The following NXPE2 variants were observed in gnomAD, a reference collection of about 807,000 sequenced individuals.
NXPE2 encodes neurexophilin and PC-esterase domain family member 2.
NXPE2 carries 34 observed loss-of-function variants against 34.4 expected under a neutral mutation model. That is an observed-to-expected ratio of 0.99 (90% CI 0.75 to 1.31). The LOEUF (loss-of-function observed/expected upper bound fraction) is 1.31, where lower values mean the gene tolerates loss of function less well. NXPE2 is among the 40% of genes most tolerant of loss of function. The pLI is 0.00. For synonymous variants in NXPE2, 235 were observed against 231.3 expected (o/e 1.02, Z -0.15); for missense variants, 649 against 672.5 (o/e 0.97, Z 0.39).
the NXPE2 span, among the ~76,000 whole-genome samples, chr11:114,532,398 T>A: frequency 6.6e-6 from 1 of 152,020 alleles, no homozygotes; most frequent in South Asian, 2.1e-4. Context: ...AAAACTTACA[T>A]TATAAAATAG....
In NXPE2 at chr11:114,679,767, G is replaced by A. The variant is rs1950917882; in HGVS notation, c.132+5G>A. On this transcript the variant is annotated splice_donor_5th_base_variant and intron_variant, in intron 2 of 5. Coordinates refer to ENST00000389586, the MANE Select transcript of NXPE2 (RefSeq NM_182495.6). ...GCTTCAAAAGACCACACAAAGGTAG[G>A]AAGTTTCATTTTTAAGAATTTCACA... 6.6e-7 allele frequency: 1 copy of A among 1,522,884 alleles called. No homozygotes were observed. The highest frequency in any genetic ancestry group is 1.4e-5 in the African/African-American group (1 of 72,380). 94.3% of individuals were successfully genotyped at this position (1,522,884 alleles called of 1,614,324 possible). A position where few individuals can be genotyped will look rare whatever the true frequency, so the allele number is the denominator to read the frequency against.
chr11:114,634,023 C>T, the NXPE2 span, among the ~76,000 whole-genome samples: 42 of 151,946 alleles, frequency 2.8e-4, no homozygotes, highest in African/African-American at 1.0e-3. Flanking sequence ...TTCTAGATCC[C>T]TGAGGATTCG....
chr11:114,569,074 C>T, the NXPE2 span, among the ~76,000 whole-genome samples: 5 of 152,162 alleles, frequency 3.3e-5, no homozygotes, highest in African/African-American at 1.2e-4. Flanking sequence ...CTCCTGCTGC[C>T]CCCAAAAAAC....
At chr11:114,626,462 G>A in the NXPE2 span, among the ~76,000 whole-genome samples, 4 of 152,210 alleles carry the variant, frequency 2.6e-5, no homozygotes, top group South Asian at 2.1e-4. Context: ...TGCAGCTGAC[G>A]GTCCTGTCTG....
At chr11:114,516,952 A>G in the NXPE2 span, among the ~76,000 whole-genome samples, 1 of 152,138 alleles carries the variant, frequency 6.6e-6, no homozygotes, top group Non-Finnish European at 1.5e-5. Flanking sequence ...AGTGGGCATC[A>G]TGCAGTATTG....
At chr11:114,478,164 T>C in the NXPE2 span, among the ~76,000 whole-genome samples, 1 of 151,954 alleles carries the variant, frequency 6.6e-6, no homozygotes, top group Admixed American at 6.6e-5. Context: ...GGGTGGACAT[T>C]TGTGTTTGGT....
intron 3 of NXPE2, 83 bp downstream of exon 3, chr11:114,698,861 T>C (rs892968799): frequency 1.7e-5 from 22 of 1,280,552 alleles, no homozygotes; most frequent in Non-Finnish European, 2.1e-5. Flanking sequence ...AATCAAACTT[T>C]TGTATCATGT....
the NXPE2 span, among the ~76,000 whole-genome samples, chr11:114,481,534 T>C: frequency 1.3e-5 from 2 of 151,986 alleles, no homozygotes; most frequent in Non-Finnish European, 2.9e-5. Flanking sequence ...AAATAAGAAA[T>C]ACAAATCTAA....
chr11:114,698,179 G>A lies in NXPE2; in HGVS notation c.267G>A (p.Glu89=). 1 of 1,614,190 alleles carries A rather than the reference G, an allele frequency of 6.2e-7. No individual in the cohort carries two copies. The highest frequency in any genetic ancestry group is 1.1e-5 in the South Asian group (1 of 91,086). The change falls in exon 3 of 6, where the codon GAG becomes GAA. Residue 89 remains glutamate, a synonymous_variant. Coordinates refer to ENST00000389586, the MANE Select transcript of NXPE2 (RefSeq NM_182495.6). ...ETELRIKDIM[E]KLDQQIPPRP... is the part of the protein sequence containing the mutation. ...AACTTAGAATAAAGGACATTATGGA[G>A]AAACTAGACCAGCAGATCCCACCCA... is the stretch of plus-strand genomic sequence containing the variant.
the NXPE2 span, among the ~76,000 whole-genome samples, chr11:114,481,576 A>G: frequency 6.6e-6 from 1 of 151,924 alleles, no homozygotes; most frequent in East Asian, 1.9e-4. Context: ...GAACAACAAC[A>G]CAGATCATAT....
chr11:114,635,681 T>C, the NXPE2 span, among the ~76,000 whole-genome samples: 1 of 151,922 alleles, frequency 6.6e-6, no homozygotes, highest in South Asian at 2.1e-4. Context: ...TGAAGTATTG[T>C]TGAATTTTGT....
the NXPE2 span, among the ~76,000 whole-genome samples, chr11:114,468,131 T>TAAA: frequency 7.8e-4 from 106 of 135,752 alleles, no homozygotes; most frequent in African/African-American, 2.6e-3. Context: ...GCTGATGAGC[T>TAAA]AAAAAAAAAA....
chr11:114,530,888 T>C, the NXPE2 span: 1 of 1,611,898 alleles, frequency 6.2e-7, no homozygotes. Flanking sequence ...CAGAGATGGA[T>C]AAGTTTAGAG....
At chr11:114,622,523 G>A in the NXPE2 span, among the ~76,000 whole-genome samples, 3 of 152,062 alleles carry the variant, frequency 2.0e-5, no homozygotes, top group Admixed American at 6.6e-5. Context: ...TGCCTCATGG[G>A]TAACCACTGT....
chr11:114,695,912 G>A (rs1951243336), intron 2 of NXPE2, among the ~76,000 whole-genome samples: 1 of 151,344 alleles, frequency 6.6e-6, no homozygotes, highest in Admixed American at 6.6e-5. Context: ...CAGCTACTCA[G>A]GAAGCTGAGG....
the NXPE2 span, among the ~76,000 whole-genome samples, chr11:114,607,900 C>T: frequency 0.049 from 7,404 of 151,982 alleles, 596 homozygotes; most frequent in African/African-American, 0.17. Flanking sequence ...TCGTGGGTAA[C>T]CACAGTTACC....
the NXPE2 span, among the ~76,000 whole-genome samples, chr11:114,631,095 T>C: frequency 9.9e-5 from 15 of 151,446 alleles, no homozygotes; most frequent in Non-Finnish European, 2.2e-4. Context: ...ACTAGTTCAA[T>C]CATTGTGGAA....
the NXPE2 span, among the ~76,000 whole-genome samples, chr11:114,800,166 A>T: frequency 1.3e-5 from 2 of 152,218 alleles, no homozygotes; most frequent in Non-Finnish European, 2.9e-5. Flanking sequence ...AATTCTTATT[A>T]GTTCACAGCA....
chr11:114,672,381 T>A, the NXPE2 span, among the ~76,000 whole-genome samples: 7 of 146,960 alleles, frequency 4.8e-5, no homozygotes, highest in Admixed American at 1.4e-4. Flanking sequence ...TAGAAAATAT[T>A]CATTTAATGC....
Sources: allele counts gnomAD v4.1 joint callset (sites outside exome capture counted in the v4.1 genomes callset), GRCh38; gene constraint gnomAD v4.1.1; transcripts MANE v1.5; gene names NCBI Gene and HGNC (gene_info 2026-07-23, HGNC 2026-07-21).